BIRC6: variants seen among roughly 807,000 people sequenced by gnomAD.
The protein encoded by BIRC6 is dual E2 ubiquitin-conjugating enzyme/E3 ubiquitin-protein ligase BIRC6.
Under a neutral mutation model 503.3 loss-of-function variants are expected in BIRC6, and 98 were observed. The observed-to-expected ratio is 0.19, with a 90% CI of 0.17 to 0.23. The LOEUF (loss-of-function observed/expected upper bound fraction) is 0.23. BIRC6 is among the 10% of genes least tolerant of loss of function. The pLI, the probability that BIRC6 is intolerant of heterozygous loss-of-function variation, is 1.00. For synonymous variants in BIRC6, 2,240 were observed against 2,078.7 expected (o/e 1.08, Z -2.11); for missense variants, 5,360 against 5,806.0 (o/e 0.92, Z 2.50).
intron 61 of BIRC6, chr2:32,532,044 C>A: frequency 2.0e-6 from 1 of 507,294 alleles, no homozygotes; most frequent in South Asian, 1.5e-5. Context: ...TTGTATCAAT[C>A]AGTAGGAAGT....
rs13005444 is a variant in BIRC6 at position 32,508,809 on chromosome 2, G to C, written c.9980+550G>C. Among the ~76,000 whole-genome samples the C allele has an allele frequency of 5.4e-3, 817 of 152,250 alleles. 8 individuals are homozygous for C. The highest frequency in any genetic ancestry group is 0.01 in the Middle Eastern group (3 of 294). On this transcript the variant is annotated intron_variant, in intron 51 of 73. Coordinates refer to ENST00000421745, the MANE Select transcript of BIRC6 (RefSeq NM_016252.4). ...CTGATAAAAATGAATTTAAGGCCTG[G>C]CTCAGTGGCTCACACCTGTAATCCC...
At chr2:32,369,357 G>T (rs917792298) in intron 1 of BIRC6, among the ~76,000 whole-genome samples, 1 of 151,808 alleles carries the variant, frequency 6.6e-6, no homozygotes, top group Admixed American at 6.6e-5. Context: ...GTTCCAAACC[G>T]TAGGATTATT....
chr2:32,549,070 T>C, intron 64 of BIRC6: 1 of 294,438 alleles, frequency 3.4e-6, no homozygotes, highest in African/African-American at 2.2e-5. Flanking sequence ...TTTATGTTCG[T>C]AGTTGTATTG....
At chr2:32,482,387 A>G (rs778192283) in intron 38 of BIRC6, 42 bp from the exon 39 acceptor site, 1 of 1,592,742 alleles carries the variant, frequency 6.3e-7, no homozygotes, top group Non-Finnish European at 8.6e-7. Context: ...CATTCAGCCA[A>G]GAGGCAAAAA....
chr2:32,461,543 G>A (rs1025910680), intron 23 of BIRC6, among the ~76,000 whole-genome samples: 3 of 150,928 alleles, frequency 2.0e-5, no homozygotes, highest in Non-Finnish European at 2.9e-5. Flanking sequence ...TTGAATTTGT[G>A]TCCACTAAAT....
At chr2:32,359,838 G>A (rs2149062650) in intron 1 of BIRC6, among the ~76,000 whole-genome samples, 1 of 152,198 alleles carries the variant, frequency 6.6e-6, no homozygotes, top group Non-Finnish European at 1.5e-5. Flanking sequence ...CAAAGTGCTG[G>A]TATTACAGGC....
At chr2:32,592,860 G>C (rs910211896) in intron 66 of BIRC6, among the ~76,000 whole-genome samples, 1 of 152,168 alleles carries the variant, frequency 6.6e-6, no homozygotes, top group Admixed American at 6.5e-5. Context: ...CTCCCAAAGT[G>C]CTGGGATTAC....
At position 32,478,751 on chromosome 2, in the gene BIRC6, A is replaced by C. The variant is rs1465095252; in HGVS notation, c.7185A>C (p.Gly2395=). The change falls in exon 36 of 74, where the codon GGA becomes GGC. Residue 2395 remains glycine (G), a synonymous_variant. Coordinates refer to ENST00000421745, the MANE Select transcript of BIRC6 (RefSeq NM_016252.4). ...LLLVGTDFNR[G]DISWGGAWAQ... is the part of the protein sequence containing the mutation. ...TGGTTGGAACTGACTTCAATAGAGGAGATATATCTTGGGGTGGTGCTTGGG... is the reference window on the plus strand; with the variant it reads ...TGGTTGGAACTGACTTCAATAGAGGCGATATATCTTGGGGTGGTGCTTGGG... The C allele has an allele frequency of 6.2e-7, 1 of 1,613,860 alleles. No homozygotes were observed.
intron 61 of BIRC6, among the ~76,000 whole-genome samples, chr2:32,533,190 G>A (rs2056922469): frequency 6.6e-6 from 1 of 152,160 alleles, no homozygotes; most frequent in East Asian, 1.9e-4. Context: ...TGAGGAACAT[G>A]TTACCGGAAC....
intron 43 of BIRC6, 64 bp downstream of exon 43, chr2:32,490,215 C>T: frequency 1.5e-6 from 2 of 1,362,988 alleles, no homozygotes; most frequent in African/African-American, 1.4e-5. Flanking sequence ...CTATTGGATT[C>T]TTAAAACAGA....
intron 52 of BIRC6, 144 bp downstream of exon 52, chr2:32,510,138 T>A (rs1234373699): frequency 3.9e-6 from 4 of 1,033,222 alleles, no homozygotes; most frequent in African/African-American, 1.6e-5. Context: ...TCTGATGGAG[T>A]CTCACTCTGT....
chr2:32,445,107 A>G (rs1295554046), intron 20 of BIRC6, among the ~76,000 whole-genome samples: 1 of 152,204 alleles, frequency 6.6e-6, no homozygotes, highest in Admixed American at 6.5e-5. Context: ...ACTGCCATCC[A>G]CTATTTTTTA....
chr2:32,471,513 A>G (rs536435494), intron 32 of BIRC6, among the ~76,000 whole-genome samples: 3 of 152,258 alleles, frequency 2.0e-5, no homozygotes, highest in Admixed American at 6.5e-5. Context: ...GGTATCTACT[A>G]ATTAACTACA....
chr2:32,549,271 G>T, intron 64 of BIRC6, 42 bp from the exon 65 acceptor site: 1 of 1,350,090 alleles, frequency 7.4e-7, no homozygotes, highest in Non-Finnish European at 9.7e-7. Context: ...AACTTTTGAA[G>T]TATGTGAAAC....
intron 10 of BIRC6, among the ~76,000 whole-genome samples, chr2:32,426,324 C>T (rs150113352): frequency 8.6e-4 from 131 of 152,350 alleles, no homozygotes; most frequent in Middle Eastern, 3.4e-3. Context: ...ACAGAATGGC[C>T]GGGTGTGGTG....
chr2:32,562,454 A>G (rs1033303872), intron 65 of BIRC6, among the ~76,000 whole-genome samples: 1 of 152,212 alleles, frequency 6.6e-6, no homozygotes, highest in Non-Finnish European at 1.5e-5. Context: ...TGTTATTTTT[A>G]ACTAAATTTA....
At chr2:32,525,170 T>C (rs1242807234) in intron 58 of BIRC6, among the ~76,000 whole-genome samples, 151 bp downstream of exon 58, 1 of 152,222 alleles carries the variant, frequency 6.6e-6, no homozygotes, top group Non-Finnish European at 1.5e-5. Context: ...TCTTTTTATT[T>C]TTATTTTTTT....
intron 61 of BIRC6, among the ~76,000 whole-genome samples, chr2:32,533,567 C>G (rs1005801456): frequency 6.6e-6 from 1 of 152,148 alleles, no homozygotes; most frequent in Non-Finnish European, 1.5e-5. Context: ...AAGAGTGAGG[C>G]TGGACAACCT....
At chr2:32,611,305 T>C in intron 72 of BIRC6, 143 bp from the exon 73 acceptor site, 1 of 387,470 alleles carries the variant, frequency 2.6e-6, no homozygotes, top group Admixed American at 5.2e-5. Context: ...ATAATAATAT[T>C]CTAAATATTA....
Sources: gnomAD v4.1 joint callset for allele counts (sites outside exome capture counted in the v4.1 genomes callset) on GRCh38, gnomAD v4.1.1 for gene constraint, MANE v1.5 for transcripts, NCBI Gene and HGNC (gene_info 2026-07-23, HGNC 2026-07-21) for gene names.